GRID2: variants seen among roughly 807,000 people sequenced by gnomAD.
The protein encoded by GRID2 is glutamate ionotropic receptor delta type subunit 2.
In GRID2, 33 loss-of-function variants were observed where a neutral mutation model predicts 114.8. The ratio of observed to expected loss-of-function variants is 0.29; its 90% CI spans 0.22 to 0.38. GRID2 has a LOEUF of 0.38. GRID2 is among the 10% of genes least tolerant of loss of function. The probability of loss-of-function intolerance (pLI) is 1.00; values close to 1 mark genes in which losing one functional copy is unlikely to be tolerated. For synonymous variants in GRID2, 505 were observed against 449.9 expected, an observed-to-expected ratio of 1.12 and a Z score of -1.55; for missense variants, 1,184 against 1,257.7, an observed-to-expected ratio of 0.94 and a Z score of 0.89.
Position 93,110,806 on chromosome 4 carries a change from A to G in GRID2, c.588A>G (p.Ala196=). 1 of 1,612,450 alleles carries G rather than the reference A, an allele frequency of 6.2e-7. No homozygotes were observed. Among genetic ancestry groups the G allele is most frequent in the Non-Finnish European group, 8.5e-7 (1 of 1,178,510 alleles). The change falls in exon 4 of 16, where the codon GCA becomes GCG. Residue 196 remains alanine (A), a synonymous_variant. Coordinates refer to ENST00000282020, the MANE Select transcript of GRID2 (RefSeq NM_001510.4). The part of the protein sequence containing the change: ...DKVSQQGMDV[A]LQKVENNINK... ...TCTCTCAGCAGGGAATGGATGTTGC[A>G]CTTCAGAAGGTAGAAAACAACATCA...
At chr4:93,521,360 T>C (rs1730320434) in intron 13 of GRID2, among the ~76,000 whole-genome samples, 1 of 152,052 alleles carries the variant, frequency 6.6e-6, no homozygotes. Flanking sequence ...ATTTAATATT[T>C]AGAGGAGGCA....
chr4:92,349,664 T>G (rs1253648521), intron 1 of GRID2, among the ~76,000 whole-genome samples: 1 of 151,768 alleles, frequency 6.6e-6, no homozygotes, highest in African/African-American at 2.4e-5. Context: ...CATCTGTTAT[T>G]AAAGATTTTA....
chr4:93,541,585 C>A (rs1194516304), intron 13 of GRID2, among the ~76,000 whole-genome samples: 2 of 148,162 alleles, frequency 1.3e-5, no homozygotes, highest in Non-Finnish European at 3.0e-5. Flanking sequence ...ATATATATTT[C>A]AAACATTTTG....
At chr4:92,991,484 C>A (rs544806399) in intron 2 of GRID2, among the ~76,000 whole-genome samples, 1 of 152,214 alleles carries the variant, frequency 6.6e-6, no homozygotes, top group East Asian at 1.9e-4. Context: ...TAAACCATCT[C>A]CGTGCAAATA....
intron 2 of GRID2, among the ~76,000 whole-genome samples, chr4:92,931,623 T>TACAC (rs375152274): frequency 2.1e-4 from 30 of 144,868 alleles, no homozygotes; most frequent in Middle Eastern, 3.5e-3. Flanking sequence ...AGATAGAAGA[T>TACAC]ACACACACAC....
chr4:92,535,857 G>A (rs1489358798), intron 1 of GRID2, among the ~76,000 whole-genome samples: 1 of 152,116 alleles, frequency 6.6e-6, no homozygotes, highest in African/African-American at 2.4e-5. Flanking sequence ...CACTTCAGCA[G>A]TGAAGCTGCA....
chr4:93,042,727 A>C (rs1725717919), intron 2 of GRID2, among the ~76,000 whole-genome samples: 1 of 147,074 alleles, frequency 6.8e-6, no homozygotes, highest in Non-Finnish European at 1.5e-5. Flanking sequence ...ATATATAGAG[A>C]GAGAGATAGA....
intron 9 of GRID2, among the ~76,000 whole-genome samples, chr4:93,416,183 A>G (rs1767685626): frequency 6.6e-6 from 1 of 151,738 alleles, no homozygotes; most frequent in Non-Finnish European, 1.5e-5. Flanking sequence ...TGGTGTCTTG[A>G]TATCTCCTTT....
At chr4:92,768,832 C>T (rs1738393968) in intron 2 of GRID2, among the ~76,000 whole-genome samples, 1 of 152,166 alleles carries the variant, frequency 6.6e-6, no homozygotes, top group Admixed American at 6.5e-5. Flanking sequence ...TCAATCACCT[C>T]CCACTTCGTT....
At position 93,680,523 on chromosome 4, in the gene GRID2, T is replaced by G. The variant is rs1310372122; in HGVS notation, c.2360+54088T>G. 1.3e-5 allele frequency among the ~76,000 whole-genome samples: 2 copies of G among 150,840 alleles called. 1 individual carries two copies. The highest frequency in any genetic ancestry group is 3.0e-5 in the Non-Finnish European group (2 of 67,632). On this transcript the variant is annotated intron_variant, in intron 14 of 15. Coordinates refer to ENST00000282020, the MANE Select transcript of GRID2 (RefSeq NM_001510.4). ...TCCTTGATGAACATTGATGCAAAAA[T>G]CCTCAATAAAATACTGGCAAACCGA...
chr4:92,673,580 G>A (rs1733181102), intron 2 of GRID2, among the ~76,000 whole-genome samples: 1 of 152,004 alleles, frequency 6.6e-6, no homozygotes, highest in Non-Finnish European at 1.5e-5. Flanking sequence ...GTTTTTTTAG[G>A]TGAAACCACT....
In GRID2 at chr4:92,700,147, A is replaced by G. The variant is rs538776280; in HGVS notation, c.244+109861A>G. 7.9e-5 allele frequency among the ~76,000 whole-genome samples: 12 copies of G among 152,332 alleles called. No individual in the cohort carries two copies. The South Asian group carries it at 1.7e-3, about 21-fold the overall frequency. Reference sequence around the variant, plus strand: ...CCACAAATCGAAACTCAGCTGGGTTAGGAGTTTTCCTCTCAACAGACAAGT... The same window carrying G: ...CCACAAATCGAAACTCAGCTGGGTTGGGAGTTTTCCTCTCAACAGACAAGT... On this transcript the variant is annotated intron_variant, in intron 2 of 15. Coordinates refer to ENST00000282020, the MANE Select transcript of GRID2 (RefSeq NM_001510.4).
At chr4:92,344,817 T>G (rs1266449088) in intron 1 of GRID2, among the ~76,000 whole-genome samples, 1 of 152,182 alleles carries the variant, frequency 6.6e-6, no homozygotes, top group Admixed American at 6.5e-5. Flanking sequence ...TTCTGCCATC[T>G]TCTGTTTATT....
chr4:92,356,903 A>G (rs536611052), intron 1 of GRID2, among the ~76,000 whole-genome samples: 1 of 151,994 alleles, frequency 6.6e-6, no homozygotes, highest in African/African-American at 2.4e-5. Flanking sequence ...GCAAAATGAA[A>G]TCATTACTCT....
chr4:92,618,530 T>C (rs1045745636), intron 2 of GRID2, among the ~76,000 whole-genome samples: 3 of 151,794 alleles, frequency 2.0e-5, no homozygotes, highest in Admixed American at 6.6e-5. Context: ...GAGATTTTTT[T>C]CCAATTCTGT....
chr4:93,748,600 G>A (rs1324067753), intron 14 of GRID2, among the ~76,000 whole-genome samples: 3 of 152,132 alleles, frequency 2.0e-5, no homozygotes, highest in African/African-American at 4.8e-5. Flanking sequence ...TACAGGAATC[G>A]AAACCAAGAT....
intron 1 of GRID2, among the ~76,000 whole-genome samples, chr4:92,565,484 T>C (rs1727292771): frequency 6.6e-6 from 1 of 152,030 alleles, no homozygotes; most frequent in African/African-American, 2.4e-5. Flanking sequence ...TCTTTCACAA[T>C]TGCTGGTTTT....
intron 8 of GRID2, among the ~76,000 whole-genome samples, chr4:93,355,215 A>G (rs1560532480): frequency 6.6e-6 from 1 of 152,084 alleles, no homozygotes; most frequent in Middle Eastern, 3.4e-3. Context: ...TGGTTTTGAC[A>G]TAACAGTGCT....
At chr4:92,957,409 T>G (rs1279311051) in intron 2 of GRID2, among the ~76,000 whole-genome samples, 1 of 152,094 alleles carries the variant, frequency 6.6e-6, no homozygotes, top group Non-Finnish European at 1.5e-5. Flanking sequence ...TTGAAAAAAT[T>G]TCCTTTTCTC....
Sources: allele counts gnomAD v4.1 joint callset (sites outside exome capture counted in the v4.1 genomes callset), GRCh38; gene constraint gnomAD v4.1.1; transcripts MANE v1.5; gene names NCBI Gene and HGNC (gene_info 2026-07-23, HGNC 2026-07-21).